The following PRKCQ variants were observed in gnomAD, a reference collection of about 807,000 sequenced individuals.
PRKCQ encodes the protein protein kinase C theta, also known as protein kinase C theta type.
A neutral mutation model predicts 91.2 loss-of-function variants in PRKCQ; 41 were observed. That is an observed-to-expected ratio of 0.45 (90% confidence interval 0.35 to 0.58). The LOEUF (loss-of-function observed/expected upper bound fraction) is 0.58, where lower values mean the gene tolerates loss of function less well. Among genes scored for constraint, PRKCQ ranks in the 20% least tolerant of loss-of-function variants. The pLI is 0.00. For synonymous variants in PRKCQ, 307 were observed against 316.9 expected, an observed-to-expected ratio of 0.97 and a Z score of 0.33; for missense variants, 673 against 896.5, an observed-to-expected ratio of 0.75 and a Z score of 3.18.
intron 14 of PRKCQ, among the ~76,000 whole-genome samples, chr10:6,459,046 T>C (rs567836898): frequency 2.6e-5 from 4 of 152,172 alleles, no homozygotes; most frequent in Non-Finnish European, 5.9e-5. Flanking sequence ...AACAGCAGCC[T>C]TGCCCCTGAA....
chr10:6,401,655 A>T, the PRKCQ span, among the ~76,000 whole-genome samples: 1 of 151,948 alleles, frequency 6.6e-6, no homozygotes, highest in East Asian at 1.9e-4. Flanking sequence ...GGGCCAGGGC[A>T]CTCTGGTCCC....
At chr10:6,492,682 T>A (rs1286185684) in intron 7 of PRKCQ, among the ~76,000 whole-genome samples, 1 of 152,118 alleles carries the variant, frequency 6.6e-6, no homozygotes, top group Non-Finnish European at 1.5e-5. Context: ...GGAATTTTTT[T>A]AAAAAACAGT....
At chr10:6,404,649 CTT>C in the PRKCQ span, among the ~76,000 whole-genome samples, 1 of 132,462 alleles carries the variant, frequency 7.5e-6, no homozygotes, top group African/African-American at 2.9e-5. Flanking sequence ...CCTTTCTTTC[CTT>C]TTTTCTCTTT....
At chr10:6,413,537 G>GCACA in the PRKCQ span, among the ~76,000 whole-genome samples, 266 of 56,956 alleles carry the variant, frequency 4.7e-3, 65 homozygotes, top group African/African-American at 0.028. Context: ...TGCCACTTGT[G>GCACA]CACACACACA....
intron 1 of PRKCQ, among the ~76,000 whole-genome samples, chr10:6,572,370 T>C (rs2007252): frequency 0.47 from 70,761 of 152,028 alleles, 20,141 homozygotes; most frequent in Non-Finnish European, 0.61. Flanking sequence ...CTTTTCCTAA[T>C]GCTCTCCCTC....
chr10:6,454,992 G>C (rs963725575), intron 15 of PRKCQ, among the ~76,000 whole-genome samples: 1 of 152,204 alleles, frequency 6.6e-6, no homozygotes, highest in Admixed American at 6.5e-5. Context: ...CCCAAAATCT[G>C]TAGACAGGAA....
chr10:6,447,217 G>A (rs1834357007), intron 15 of PRKCQ, among the ~76,000 whole-genome samples: 1 of 152,074 alleles, frequency 6.6e-6, no homozygotes, highest in Non-Finnish European at 1.5e-5. Context: ...GACCATCCTG[G>A]CCAACATGGT....
the PRKCQ span, among the ~76,000 whole-genome samples, chr10:6,398,179 C>T: frequency 2.6e-5 from 4 of 152,164 alleles, no homozygotes; most frequent in African/African-American, 2.4e-5. Flanking sequence ...TGTTGAAAGT[C>T]GATGACCATA....
intron 12 of PRKCQ, among the ~76,000 whole-genome samples, chr10:6,466,381 C>T (rs1411592816): frequency 6.6e-6 from 1 of 152,134 alleles, no homozygotes; most frequent in Non-Finnish European, 1.5e-5. Context: ...CCATTAAAGT[C>T]TAAGAGATCA....
chr10:6,480,929 T>C (rs939380937), intron 11 of PRKCQ, among the ~76,000 whole-genome samples: 1 of 152,180 alleles, frequency 6.6e-6, no homozygotes, highest in Admixed American at 6.5e-5. Flanking sequence ...ACACAATTTG[T>C]TTTCTTAGGC....
At chr10:6,435,369 A>C (rs539625150) in intron 16 of PRKCQ, among the ~76,000 whole-genome samples, 1 of 152,338 alleles carries the variant, frequency 6.6e-6, no homozygotes, top group East Asian at 1.9e-4. Flanking sequence ...GTTTCTGAGA[A>C]AGGGCATTAC....
At position 6,486,156 on chromosome 10, in the gene PRKCQ, A is replaced by G. The variant is rs1448147224; in HGVS notation, c.791-12T>C. On this transcript the variant is annotated splice_polypyrimidine_tract_variant and intron_variant, in intron 8 of 17. Transcript: ENST00000263125. ...ATTCATGCCACATGCTGGAAGGAAG[A>G]AGGCAGATAGTGAGCAAGAGTGGAA... 69 of 1,609,988 alleles carry G rather than the reference A, an allele frequency of 4.3e-5. No homozygotes were observed. The highest frequency in any genetic ancestry group is 5.8e-5 in the Non-Finnish European group (68 of 1,176,456).
At chr10:6,500,704 A>AGTT (rs1319863246) in intron 4 of PRKCQ, among the ~76,000 whole-genome samples, 1 of 151,824 alleles carries the variant, frequency 6.6e-6, no homozygotes, top group Non-Finnish European at 1.5e-5. Context: ...TGGTTTTTGC[A>AGTT]ATTTTTTTTC....
At chr10:6,451,616 C>T (rs1834683862) in intron 15 of PRKCQ, among the ~76,000 whole-genome samples, 2 of 152,150 alleles carry the variant, frequency 1.3e-5, no homozygotes, top group African/African-American at 2.4e-5. Flanking sequence ...CAGGCAGAGA[C>T]ACAACCAAAA....
At chr10:6,477,424 A>G (rs1836327776) in intron 12 of PRKCQ, among the ~76,000 whole-genome samples, 1 of 152,204 alleles carries the variant, frequency 6.6e-6, no homozygotes, top group Non-Finnish European at 1.5e-5. Flanking sequence ...CTGAGAATCT[A>G]CTGGGAACTG....
At chr10:6,421,215 T>C in the PRKCQ span, among the ~76,000 whole-genome samples, 1 of 152,218 alleles carries the variant, frequency 6.6e-6, no homozygotes, top group East Asian at 1.9e-4. The surrounding 1 kb of genome is among the most constrained non-coding windows in gnomAD (Gnocchi z 4.1). Flanking sequence ...CTGGGCATGG[T>C]AGCTCATGCC....
intron 1 of PRKCQ, among the ~76,000 whole-genome samples, chr10:6,550,644 T>A (rs1403807626): frequency 6.6e-6 from 1 of 152,230 alleles, no homozygotes; most frequent in Non-Finnish European, 1.5e-5. Flanking sequence ...CGTCTCCACC[T>A]CTTGGCTATT....
At chr10:6,529,234 T>G (rs886872111) in intron 1 of PRKCQ, among the ~76,000 whole-genome samples, 1 of 152,220 alleles carries the variant, frequency 6.6e-6, no homozygotes, top group Non-Finnish European at 1.5e-5. Flanking sequence ...TGGCATCATT[T>G]TCTAACCATG....
chr10:6,505,725 A>C (rs1838173050), intron 4 of PRKCQ, among the ~76,000 whole-genome samples: 1 of 151,906 alleles, frequency 6.6e-6, no homozygotes, highest in African/African-American at 2.4e-5. Flanking sequence ...TGCTCACTGC[A>C]ACCTCAATAA....
Sources: gnomAD v4.1 joint callset for allele counts (sites outside exome capture counted in the v4.1 genomes callset) on GRCh38, gnomAD v4.1.1 for gene constraint, Gnocchi (gnomAD v3.1) non-coding constraint, MANE v1.5 for transcripts, NCBI Gene and HGNC (gene_info 2026-07-23, HGNC 2026-07-21) for gene names.